The following MAPK10 variants were observed in gnomAD, a reference collection of about 807,000 sequenced individuals.
MAPK10 encodes mitogen-activated protein kinase 10, also known as JNK3 alpha protein kinase.
MAPK10 carries 25 observed loss-of-function variants against 59.3 expected under a neutral mutation model. The ratio of observed to expected loss-of-function variants is 0.42; its 90% CI spans 0.31 to 0.59. MAPK10 has a LOEUF of 0.59. Among genes scored for constraint, MAPK10 ranks in the 20% least tolerant of loss-of-function variants. The pLI, the probability that MAPK10 is intolerant of heterozygous loss-of-function variation, is 0.15. For synonymous variants in MAPK10, 190 were observed against 200.5 expected (o/e 0.95, Z 0.44); for missense variants, 351 against 568.9 (o/e 0.62, Z 3.90).
At chr4:86,357,590 T>C (rs1402570534) in intron 1 of MAPK10, 1 of 152,194 alleles carries the variant, frequency 6.6e-6, no homozygotes, top group Non-Finnish European at 1.5e-5. Flanking sequence ...TTAGAATATA[T>C]AGACCATGTA....
intron 3 of MAPK10, chr4:86,175,902 T>C (rs928296553): frequency 1.3e-5 from 2 of 152,190 alleles, no homozygotes; most frequent in African/African-American, 4.8e-5. Flanking sequence ...TTGTTTTTCA[T>C]CTTTTTGAAT....
intron 9 of MAPK10, among the ~76,000 whole-genome samples, chr4:86,076,225 T>G (rs2049389972): frequency 6.7e-6 from 1 of 150,026 alleles, no homozygotes; most frequent in African/African-American, 2.5e-5. Context: ...GCTTCCCAGG[T>G]GAGGCAATGC....
chr4:86,178,073 C>A (rs914132686), intron 3 of MAPK10, among the ~76,000 whole-genome samples: 1 of 152,076 alleles, frequency 6.6e-6, no homozygotes, highest in African/African-American at 2.4e-5. Flanking sequence ...AACAACTCCA[C>A]ATTAAGACTG....
At chr4:86,546,444 C>G (rs1759169250) in intron 1 of MAPK10, among the ~76,000 whole-genome samples, 1 of 151,636 alleles carries the variant, frequency 6.6e-6, no homozygotes. Context: ...GTAATCCCAA[C>G]TACTCAGGAG....
chr4:86,046,648 T>C (rs966936826), intron 11 of MAPK10, among the ~76,000 whole-genome samples: 9 of 152,120 alleles, frequency 5.9e-5, no homozygotes, highest in African/African-American at 2.2e-4. Context: ...GGTAAAGAGA[T>C]GAAATAAATT....
intron 2 of MAPK10, among the ~76,000 whole-genome samples, chr4:86,329,763 T>C (rs1210785362): frequency 6.6e-6 from 1 of 152,228 alleles, no homozygotes; most frequent in Non-Finnish European, 1.5e-5. Flanking sequence ...ACCTCATTTC[T>C]ACCTTCCAAA....
chr4:86,305,612 A>C (rs1368898078), intron 2 of MAPK10, among the ~76,000 whole-genome samples: 1 of 152,190 alleles, frequency 6.6e-6, no homozygotes, highest in Non-Finnish European at 1.5e-5. Flanking sequence ...TGAGGTCAGG[A>C]GTTCAAGACC....
intron 1 of MAPK10, among the ~76,000 whole-genome samples, chr4:86,371,843 C>T (rs150549677): frequency 7.2e-5 from 11 of 152,246 alleles, no homozygotes; most frequent in South Asian, 2.1e-4. Flanking sequence ...CCATGAGGAA[C>T]GGTGCATTCC....
rs1453063531 is a variant in MAPK10 at position 86,496,088 on chromosome 4, A to AAC, written c.-263+97820_-263+97821dup. ...ATACACACTCCATTAACCAAAAATA[A>AAC]ACACAAGAAAAGTTCAAAAAAGCCC... On this transcript the variant is annotated intron_variant, in intron 1 of 4. Coordinates refer to the MAPK10 transcript ENST00000502302. Among the ~76,000 whole-genome samples the AAC allele has an allele frequency of 2.0e-5, 3 of 152,238 alleles. No homozygotes were observed. The East Asian group carries it at 5.8e-4, about 29-fold the overall frequency.
chr4:86,335,613 G>GT (rs374271581), intron 2 of MAPK10, among the ~76,000 whole-genome samples: 2,113 of 148,230 alleles, frequency 0.014, 28 homozygotes, highest in African/African-American at 0.037. Context: ...TACTGTATTA[G>GT]TTTTTTTTTT....
intron 2 of MAPK10, chr4:86,268,271 C>T (rs555399542): frequency 6.6e-6 from 1 of 152,334 alleles, no homozygotes; most frequent in Non-Finnish European, 1.5e-5. Context: ...CATGTCCACT[C>T]TACCACAAAG....
intron 2 of MAPK10, among the ~76,000 whole-genome samples, chr4:86,332,198 T>A (rs1330295851): frequency 6.6e-6 from 1 of 152,150 alleles, no homozygotes; most frequent in African/African-American, 2.4e-5. Context: ...AAACAATAAA[T>A]TATATTTAAA....
At chr4:86,081,793 T>C (rs1287620734) in intron 9 of MAPK10, 2 of 152,062 alleles carry the variant, frequency 1.3e-5, no homozygotes, top group Non-Finnish European at 2.9e-5. Context: ...AAAATGTGTA[T>C]GCCTATGACC....
At chr4:86,303,710 AGT>A (rs1257429735) in intron 2 of MAPK10, among the ~76,000 whole-genome samples, 1 of 152,226 alleles carries the variant, frequency 6.6e-6, no homozygotes, top group Non-Finnish European at 1.5e-5. Context: ...ATTTTCAAAA[AGT>A]TGAAAACATT....
At position 86,074,330 on chromosome 4, in the gene MAPK10, A is replaced by G. The variant is rs565367452; in HGVS notation, c.803-6375T>C. ...TTTCCTGAATACAGCACACTGATGG[A>G]TCTTGACTCTTTATCCAATTTGCCA... is the stretch of plus-strand genomic sequence containing the variant. On this transcript the variant is annotated intron_variant, in intron 9 of 13. Coordinates refer to ENST00000641462, the MANE Select transcript of MAPK10 (RefSeq NM_138982.4). Among the ~76,000 whole-genome samples, 138 of 148,298 alleles carry G rather than the reference A, an allele frequency of 9.3e-4. No individual in the cohort carries two copies. In the South Asian group the frequency reaches 0.013, roughly 14 times the overall value.
At position 86,344,972 on chromosome 4, in the gene MAPK10, G is replaced by C. The variant is rs115845316; in HGVS notation, c.-7+9558C>G. Among the ~76,000 whole-genome samples the C allele has an allele frequency of 6.3e-3, 955 of 152,258 alleles. 5 individuals are homozygous for C. Among genetic ancestry groups the C allele is most frequent in the African/African-American group, 0.021 (861 of 41,552 alleles). ...AAGAATGATGCAAACCTGGAAAATT[G>C]ATATAGTCAGTTTGGCTGGCTATGC... On this transcript the variant is annotated intron_variant, in intron 2 of 13. Coordinates refer to ENST00000641462, the MANE Select transcript of MAPK10 (RefSeq NM_138982.4).
intron 4 of MAPK10, chr4:86,125,103 C>G (rs1290666006): frequency 6.6e-6 from 1 of 151,698 alleles, no homozygotes; most frequent in Non-Finnish European, 1.5e-5. Context: ...AAAATTTGTT[C>G]TTAGCAGATA....
intron 1 of MAPK10, among the ~76,000 whole-genome samples, chr4:86,437,467 C>T (rs1748903123): frequency 6.6e-6 from 1 of 152,148 alleles, no homozygotes; most frequent in Non-Finnish European, 1.5e-5. Context: ...AGGAAACCCA[C>T]ATCATGGGTT....
chr4:86,030,484 C>T (rs904115185), intron 12 of MAPK10, among the ~76,000 whole-genome samples: 1 of 151,906 alleles, frequency 6.6e-6, no homozygotes, highest in Non-Finnish European at 1.5e-5. Context: ...GTGTGTACCA[C>T]TATGCCCGGC....
Sources: gnomAD v4.1 joint callset for allele counts (sites outside exome capture counted in the v4.1 genomes callset) on GRCh38, gnomAD v4.1.1 for gene constraint, MANE v1.5 for transcripts, NCBI Gene and HGNC (gene_info 2026-07-23, HGNC 2026-07-21) for gene names.